The following DNAH10 variants were observed in gnomAD, a reference collection of about 807,000 sequenced individuals.
DNAH10 encodes the protein axonemal beta dynein heavy chain 10.
Under a neutral mutation model 506.6 loss-of-function variants are expected in DNAH10, and 348 were observed. That is an observed-to-expected ratio of 0.69 (90% CI 0.63 to 0.75). The LOEUF (loss-of-function observed/expected upper bound fraction) is 0.75, where lower values mean the gene tolerates loss of function less well. DNAH10 is among the 30% of genes least tolerant of loss of function. The pLI, the probability that DNAH10 is intolerant of heterozygous loss-of-function variation, is 0.00. For synonymous variants in DNAH10, 2,059 were observed against 2,198.6 expected, an observed-to-expected ratio of 0.94 and a Z score of 1.78; for missense variants, 5,179 against 5,787.1, an observed-to-expected ratio of 0.89 and a Z score of 3.41.
chr12:123,787,941 G>C lies in DNAH10; in HGVS notation c.1559G>C (p.Arg520Pro), dbSNP rs766869862. The C allele has an allele frequency of 6.2e-7, 1 of 1,601,804 alleles. No homozygotes were observed. Among genetic ancestry groups the C allele is most frequent in the Non-Finnish European group, 8.5e-7 (1 of 1,174,434 alleles). Residue 520 changes from arginine (R) to proline (P), a missense_variant, in exon 10 of 79, where the codon CGG (arginine) becomes CCG (proline). By Grantham distance (103) the Arg-to-Pro change is moderately radical. Coordinates refer to ENST00000673944, the MANE Select transcript of DNAH10 (RefSeq NM_001372106.1). The surrounding 1 kb of genome is among the most constrained non-coding windows in gnomAD (Gnocchi z 4.6). Reference sequence around the variant, plus strand: ...GATCGGTGGGAGTTTGACCGGAAGCGGCTGTTCGAGAGGACGGATTATATG... The same window carrying C: ...GATCGGTGGGAGTTTGACCGGAAGCCGCTGTTCGAGAGGACGGATTATATG... ...REDRWEFDRK[R>P]LFERTDYMAT... is the part of the protein sequence containing the mutation.
intron 8 of DNAH10, among the ~76,000 whole-genome samples, chr12:123,784,616 A>G (rs1233604895): frequency 6.6e-6 from 1 of 152,230 alleles, no homozygotes; most frequent in Non-Finnish European, 1.5e-5. Context: ...TTTAACCACT[A>G]TTAAGCATAC....
At chr12:123,771,212 C>T (rs926336885) in intron 2 of DNAH10, among the ~76,000 whole-genome samples, 4 of 152,160 alleles carry the variant, frequency 2.6e-5, no homozygotes, top group African/African-American at 9.7e-5. Flanking sequence ...TCAAGTGATC[C>T]ACCCACATCA....
intron 41 of DNAH10, among the ~76,000 whole-genome samples, 155 bp downstream of exon 41, chr12:123,866,228 A>ATTTT (rs1951800307): frequency 7.4e-5 from 4 of 54,312 alleles, no homozygotes; most frequent in Non-Finnish European, 1.6e-4. Context: ...TGGCAGACAC[A>ATTTT]CTTTTTTTTT....
chr12:123,802,336 G>A (rs150565554), intron 16 of DNAH10, among the ~76,000 whole-genome samples: 3,447 of 152,128 alleles, frequency 0.023, 121 homozygotes, highest in African/African-American at 0.071. Context: ...ATGGAGTTTC[G>A]CTCTTGTTGT....
chr12:123,890,900 G>T (rs1372451161), intron 52 of DNAH10, among the ~76,000 whole-genome samples: 1 of 152,144 alleles, frequency 6.6e-6, no homozygotes, highest in Non-Finnish European at 1.5e-5. Flanking sequence ...ACCAGTTCTG[G>T]GCTTGTGGCA....
At chr12:123,817,092 A>T (rs1268946253) in intron 21 of DNAH10, among the ~76,000 whole-genome samples, 2 of 142,222 alleles carry the variant, frequency 1.4e-5, no homozygotes, top group Non-Finnish European at 3.0e-5. Context: ...AAGGTAGTCC[A>T]GTCTAACTTT....
chr12:123,891,581 G>A (rs1280760909), intron 52 of DNAH10, among the ~76,000 whole-genome samples: 4 of 151,490 alleles, frequency 2.6e-5, no homozygotes, highest in Non-Finnish European at 5.9e-5. Context: ...GGCGGAGCAC[G>A]GGGAGCGAGA....
intron 24 of DNAH10, among the ~76,000 whole-genome samples, chr12:123,822,350 G>A (rs1274290329): frequency 1.3e-5 from 2 of 152,118 alleles, no homozygotes; most frequent in Non-Finnish European, 2.9e-5. Flanking sequence ...TTGGAGTGTG[G>A]GGTCCAGAAA....
intron 38 of DNAH10, 73 bp downstream of exon 38, chr12:123,859,341 C>A: frequency 3.3e-6 from 4 of 1,203,672 alleles, no homozygotes; most frequent in Non-Finnish European, 4.5e-6. Flanking sequence ...CCAGTATTAC[C>A]AAGTCCCACT....
At chr12:123,914,791 C>G in intron 61 of DNAH10, 61 bp from the exon 62 acceptor site, 1 of 1,578,842 alleles carries the variant, frequency 6.3e-7, no homozygotes, top group Non-Finnish European at 8.6e-7. Context: ...TCCTACCACC[C>G]TTAGCCCTTG....
intron 5 of DNAH10, among the ~76,000 whole-genome samples, chr12:123,780,470 G>A (rs1284795995): frequency 6.6e-6 from 1 of 151,630 alleles, no homozygotes; most frequent in Non-Finnish European, 1.5e-5. Flanking sequence ...CCAGCTCCCT[G>A]TGCCACAGTT....
intron 36 of DNAH10, among the ~76,000 whole-genome samples, chr12:123,854,260 A>G (rs1951303637): frequency 6.6e-6 from 1 of 152,060 alleles, no homozygotes; most frequent in Admixed American, 6.6e-5. Context: ...TCTATGTCCA[A>G]AGTTGAAGGG....
chr12:123,796,290 C>T (rs1958274298), intron 12 of DNAH10, among the ~76,000 whole-genome samples: 1 of 152,120 alleles, frequency 6.6e-6, no homozygotes, highest in Non-Finnish European at 1.5e-5. Flanking sequence ...AACACCATTT[C>T]TACCAAAAAT....
In DNAH10 at chr12:123,785,636, GAAAAA is replaced by G. The variant is rs35755869; in HGVS notation, c.1231-96_1231-92del. On this transcript the variant is annotated intron_variant, in intron 8 of 78. Transcript: ENST00000673944. This position sits in a 1 kb window ranked among gnomAD's most constrained non-coding sequence, Gnocchi z 4.1. ...CCTGGGCACCAGACTTGGTCTCAAG[GAAAAA>G]AAAAAAAAAAAAAGAGTGAAACTTC... 888 of 703,034 alleles carry G rather than the reference GAAAAA, an allele frequency of 1.3e-3. No homozygotes were observed. Among genetic ancestry groups the G allele is most frequent in the South Asian group, 2.6e-3 (58 of 22,286 alleles). 43.5% of individuals were successfully genotyped at this position (703,034 alleles called of 1,614,324 possible). A position where few individuals can be genotyped will look rare whatever the true frequency, so the allele number is the denominator to read the frequency against.
At chr12:123,778,583 C>G (rs1478285690) in intron 5 of DNAH10, among the ~76,000 whole-genome samples, 1 of 151,600 alleles carries the variant, frequency 6.6e-6, no homozygotes, top group African/African-American at 2.4e-5. Context: ...GTAGTCCCAG[C>G]TACTTGGGAG....
chr12:123,915,171 G>A (rs550737364), intron 62 of DNAH10, among the ~76,000 whole-genome samples, 172 bp downstream of exon 62: 109 of 152,200 alleles, frequency 7.2e-4, no homozygotes, highest in African/African-American at 1.7e-3. Context: ...CCTCCACCCC[G>A]TGGGTCTGCC....
intron 24 of DNAH10, among the ~76,000 whole-genome samples, chr12:123,824,766 C>T (rs1959790926): frequency 6.6e-6 from 1 of 152,090 alleles, no homozygotes; most frequent in African/African-American, 2.4e-5. Flanking sequence ...TGCTGTCTTC[C>T]CTCTGTGCCT....
At chr12:123,834,329 T>A (rs1565965879) in intron 27 of DNAH10, among the ~76,000 whole-genome samples, 1 of 152,170 alleles carries the variant, frequency 6.6e-6, no homozygotes, top group Non-Finnish European at 1.5e-5. Flanking sequence ...TGCCTCAGCC[T>A]CCCGAGTGGC....
In DNAH10 at chr12:123,931,435, CAT is replaced by C. The variant is rs779092328; in HGVS notation, c.12880_12881del (p.Met4294ValfsTer22). ...GCTATTACACGCAGGCGGCTCGAGA[CAT>C]GTGGGCTCACCTGCTGGAGCTGCAG... ...IGYYTQAARD[M>X]WAHLLELQPQ... On this transcript the variant is annotated frameshift_variant, in exon 74 of 79. Coordinates refer to ENST00000673944, the MANE Select transcript of DNAH10 (RefSeq NM_001372106.1). LOFTEE classifies it high-confidence loss of function. 3.7e-6 allele frequency: 6 copies of C among 1,613,982 alleles called. No individual in the cohort carries two copies. Among genetic ancestry groups the C allele is most frequent in the Non-Finnish European group, 4.2e-6 (5 of 1,179,880 alleles).
Sources: gnomAD v4.1 joint callset for allele counts (sites outside exome capture counted in the v4.1 genomes callset) on GRCh38, gnomAD v4.1.1 for gene constraint, Gnocchi (gnomAD v3.1) non-coding constraint, MANE v1.5 for transcripts, NCBI Gene and HGNC (gene_info 2026-07-23, HGNC 2026-07-21) for gene names.